Variants in PHACTR3 observed in about 807,000 individuals in gnomAD.
PHACTR3 encodes phosphatase and actin regulator 3, also known as protein phosphatase 1, regulatory subunit 123.
Under a neutral mutation model 66.8 loss-of-function variants are expected in PHACTR3, and 16 were observed. The observed-to-expected ratio is 0.24, with a 90% CI of 0.16 to 0.36. The LOEUF (loss-of-function observed/expected upper bound fraction) is 0.36, where lower values mean the gene tolerates loss of function less well. Ranked by LOEUF, PHACTR3 falls within the 10% of genes least tolerant of loss-of-function variation. The probability of loss-of-function intolerance (pLI) is 1.00; values close to 1 mark genes in which losing one functional copy is unlikely to be tolerated. For synonymous variants in PHACTR3, 323 were observed against 292.1 expected (o/e 1.11, Z -1.08); for missense variants, 647 against 719.9 (o/e 0.90, Z 1.16).
intron 1 of PHACTR3, among the ~76,000 whole-genome samples, chr20:59,611,598 G>T (rs535033447): frequency 6.6e-6 from 1 of 152,314 alleles, no homozygotes; most frequent in East Asian, 1.9e-4. Context: ...GGAGGATGTG[G>T]TTCCTGCTCT....
chr20:59,773,313 G>C lies in PHACTR3; in HGVS notation c.786G>C (p.Lys262Asn). Reference sequence around the variant, plus strand: ...CACTCTTCCAAGCCTCCAGCATGAAGAGTGCCGACCCTTCCCTCCGGGGCC... The same window carrying C: ...CACTCTTCCAAGCCTCCAGCATGAACAGTGCCGACCCTTCCCTCCGGGGCC... Reference protein sequence around the residue: ...QATLFQASSMKSADPSLRGQL... With the variant: ...QATLFQASSMNSADPSLRGQL... The change falls in exon 6 of 13, where the codon AAG (lysine) becomes AAC (asparagine). Residue 262 changes from lysine to asparagine, a missense_variant. Transcript: ENST00000371015. The C allele has an allele frequency of 6.2e-7, 1 of 1,614,124 alleles. No individual in the cohort carries two copies. Among genetic ancestry groups the C allele is most frequent in the Non-Finnish European group, 8.5e-7 (1 of 1,180,006 alleles).
intron 11 of PHACTR3, among the ~76,000 whole-genome samples, 195 bp downstream of exon 11, chr20:59,841,730 G>A (rs1224380390): frequency 9.2e-5 from 14 of 152,216 alleles, no homozygotes; most frequent in African/African-American, 1.9e-4. Flanking sequence ...GTTTTGCCCC[G>A]AGGGACATTT....
chr20:59,639,510 G>C (rs752641980), intron 1 of PHACTR3, among the ~76,000 whole-genome samples: 8 of 152,076 alleles, frequency 5.3e-5, no homozygotes, highest in Non-Finnish European at 7.4e-5. Flanking sequence ...TTCTCCCCAC[G>C]TTCCTACCTT....
rs149595340 is a variant in PHACTR3 at position 59,679,880 on chromosome 20, C to T, written c.119-63227C>T. Among the ~76,000 whole-genome samples, 354 of 152,298 alleles carry T rather than the reference C, an allele frequency of 2.3e-3. 12 individuals carry two copies. The East Asian group carries it at 0.064, about 28-fold the overall frequency. On this transcript the variant is annotated intron_variant, in intron 1 of 12. Transcript: ENST00000371015. ...GTTACCTCCTGCTGGGTCCCTCCCGCAACACGTGGAAACTATAGGAGCTAC... is the reference window on the plus strand; with the variant it reads ...GTTACCTCCTGCTGGGTCCCTCCCGTAACACGTGGAAACTATAGGAGCTAC...
At chr20:59,603,075 T>G (rs1259990770), upstream of PHACTR3, among the ~76,000 whole-genome samples, 1 of 152,204 alleles carries the variant, frequency 6.6e-6, no homozygotes, top group Non-Finnish European at 1.5e-5. Flanking sequence ...GCAGGCCACT[T>G]CACCATCCAG....
intron 1 of PHACTR3, among the ~76,000 whole-genome samples, chr20:59,684,760 G>A (rs1483785008): frequency 2.0e-5 from 3 of 152,186 alleles, no homozygotes; most frequent in Non-Finnish European, 1.5e-5. Context: ...TTATGACATC[G>A]TGCCCACAAC....
intron 8 of PHACTR3, among the ~76,000 whole-genome samples, chr20:59,816,488 A>T (rs761092059): frequency 6.6e-6 from 1 of 152,208 alleles, no homozygotes; most frequent in African/African-American, 2.4e-5. Flanking sequence ...GTTAGTAGCC[A>T]GTGAGTAGCT....
chr20:59,802,668 C>T (rs996016007), intron 7 of PHACTR3, among the ~76,000 whole-genome samples: 8 of 152,154 alleles, frequency 5.3e-5, no homozygotes, highest in Non-Finnish European at 8.8e-5. Context: ...AGCGGTGCCA[C>T]TTAGCAGCTA....
intron 1 of PHACTR3, among the ~76,000 whole-genome samples, chr20:59,584,719 AC>A (rs2032969899): frequency 6.6e-6 from 1 of 151,942 alleles, no homozygotes; most frequent in Non-Finnish European, 1.5e-5. Flanking sequence ...CCCGGCCTTC[AC>A]CCGTGCTGCT....
chr20:59,653,052 T>G (rs1177537449), intron 1 of PHACTR3, among the ~76,000 whole-genome samples: 1 of 152,120 alleles, frequency 6.6e-6, no homozygotes, highest in Non-Finnish European at 1.5e-5. Flanking sequence ...TGTTATATGA[T>G]TCTGAATTTT....
At chr20:59,802,931 T>G (rs981462014) in intron 7 of PHACTR3, among the ~76,000 whole-genome samples, 1 of 152,240 alleles carries the variant, frequency 6.6e-6, no homozygotes, top group Non-Finnish European at 1.5e-5. Flanking sequence ...ATGAAAGTTG[T>G]GTACTTGGAA....
intron 1 of PHACTR3, among the ~76,000 whole-genome samples, chr20:59,739,505 C>A (rs1345577874): frequency 6.6e-6 from 1 of 152,094 alleles, no homozygotes; most frequent in African/African-American, 2.4e-5. Flanking sequence ...GAAGGGGAAG[C>A]AAGGCACCTT....
At chr20:59,591,098 T>G (rs1015090406) in intron 1 of PHACTR3, among the ~76,000 whole-genome samples, 1 of 152,224 alleles carries the variant, frequency 6.6e-6, no homozygotes, top group Non-Finnish European at 1.5e-5. Context: ...CAGTGCCACG[T>G]ACATCATCTT....
chr20:59,747,112 A>G (rs1023883873), intron 2 of PHACTR3, among the ~76,000 whole-genome samples: 4 of 152,132 alleles, frequency 2.6e-5, no homozygotes, highest in Admixed American at 2.6e-4. Flanking sequence ...GTCGCTCAAG[A>G]GTGTTTTGCT....
chr20:59,583,508 C>A (rs893514469), intron 1 of PHACTR3, among the ~76,000 whole-genome samples: 12 of 152,214 alleles, frequency 7.9e-5, no homozygotes, highest in Admixed American at 7.9e-4. Flanking sequence ...TGCTCCTTCT[C>A]GCAGCCTGGC....
chr20:59,669,413 G>A (rs1568691626), intron 1 of PHACTR3, among the ~76,000 whole-genome samples: 1 of 152,184 alleles, frequency 6.6e-6, no homozygotes, highest in Non-Finnish European at 1.5e-5. Flanking sequence ...AGGAAAACCT[G>A]ATCCATGGCC....
chr20:59,604,181 G>C (rs973465946), upstream of PHACTR3, among the ~76,000 whole-genome samples: 2 of 152,100 alleles, frequency 1.3e-5, no homozygotes, highest in African/African-American at 4.8e-5. Flanking sequence ...CTCCGGTGCC[G>C]GGGTGGGCGC....
intron 1 of PHACTR3, among the ~76,000 whole-genome samples, chr20:59,619,077 T>A (rs1056100392): frequency 7.2e-5 from 11 of 152,178 alleles, no homozygotes; most frequent in African/African-American, 2.7e-4. Flanking sequence ...CTTTTCCTAC[T>A]GTGAGCAAAT....
chr20:59,605,247 A>G (rs1046260032), intron 1 of PHACTR3, 115 bp downstream of exon 1: 37 of 702,382 alleles, frequency 5.3e-5, no homozygotes, highest in Non-Finnish European at 7.2e-5. Flanking sequence ...CCGCGGCAGG[A>G]ACCCGCGCTC....
Sources: allele counts gnomAD v4.1 joint callset (sites outside exome capture counted in the v4.1 genomes callset), GRCh38; gene constraint gnomAD v4.1.1; transcripts MANE v1.5; gene names NCBI Gene and HGNC (gene_info 2026-07-23, HGNC 2026-07-21).